CHD7: variants seen among roughly 807,000 people sequenced by gnomAD.
CHD7 encodes the protein ATP-dependent chromatin remodeler CHD7.
Under a neutral mutation model 307.3 loss-of-function variants are expected in CHD7, and 24 were observed. The observed-to-expected ratio is 0.08, with a 90% CI of 0.06 to 0.11. The LOEUF (loss-of-function observed/expected upper bound fraction) is 0.11, where lower values mean the gene tolerates loss of function less well. Ranked by LOEUF, CHD7 falls within the 10% of genes least tolerant of loss-of-function variation. The probability of loss-of-function intolerance (pLI) is 1.00; values close to 1 mark genes in which losing one functional copy is unlikely to be tolerated. For synonymous variants in CHD7, 1,363 were observed against 1,349.9 expected, an observed-to-expected ratio of 1.01 and a Z score of -0.21; for missense variants, 3,106 against 3,727.1, an observed-to-expected ratio of 0.83 and a Z score of 4.34.
chr8:60,681,618 C>T (rs1259341465), intron 1 of CHD7, among the ~76,000 whole-genome samples: 1 of 152,124 alleles, frequency 6.6e-6, no homozygotes, highest in Non-Finnish European at 1.5e-5. Flanking sequence ...ATTTTAGAAG[C>T]TAAATTTTCT....
At chr8:60,685,793 C>G (rs1288080015) in intron 1 of CHD7, among the ~76,000 whole-genome samples, 1 of 152,092 alleles carries the variant, frequency 6.6e-6, no homozygotes, top group East Asian at 1.9e-4. Flanking sequence ...ATGAGCGATG[C>G]TGTTACACCC....
At chr8:60,735,633 A>T (rs2150568649) in intron 1 of CHD7, among the ~76,000 whole-genome samples, 1 of 152,374 alleles carries the variant, frequency 6.6e-6, no homozygotes, top group African/African-American at 2.4e-5. Flanking sequence ...ATAAAATATG[A>T]TATATGGAAA....
intron 1 of CHD7, among the ~76,000 whole-genome samples, chr8:60,733,614 G>A (rs1164447162): frequency 6.6e-6 from 1 of 152,172 alleles, no homozygotes; most frequent in African/African-American, 2.4e-5. Context: ...TTGTGCTTTT[G>A]TGGCATAATT....
intron 2 of CHD7, among the ~76,000 whole-genome samples, chr8:60,761,978 G>A (rs1002719709): frequency 1.1e-4 from 16 of 152,092 alleles, no homozygotes; most frequent in African/African-American, 3.6e-4. Context: ...GGTTGGGCTG[G>A]TCAGGATCTG....
intron 1 of CHD7, among the ~76,000 whole-genome samples, chr8:60,709,890 A>C (rs1199882605): frequency 7.2e-5 from 11 of 152,244 alleles, no homozygotes; most frequent in African/African-American, 2.7e-4. Context: ...TGTGTCTTAT[A>C]GTAATAATTT....
intron 2 of CHD7, among the ~76,000 whole-genome samples, chr8:60,746,143 C>G (rs1282655262): frequency 6.6e-6 from 1 of 152,234 alleles, no homozygotes; most frequent in Non-Finnish European, 1.5e-5. Flanking sequence ...AAGCGATTCT[C>G]CTGCCTCAGC....
intron 15 of CHD7, among the ~76,000 whole-genome samples, chr8:60,831,395 G>A (rs950411188): frequency 2.6e-5 from 4 of 151,998 alleles, no homozygotes; most frequent in African/African-American, 9.7e-5. Flanking sequence ...AACGATACAA[G>A]CAAAGAGAGG....
At chr8:60,705,711 C>A (rs1806991634) in intron 1 of CHD7, among the ~76,000 whole-genome samples, 1 of 152,080 alleles carries the variant, frequency 6.6e-6, no homozygotes, top group Non-Finnish European at 1.5e-5. Context: ...GAAATGCACA[C>A]CACCTGTACT....
At chr8:60,700,432 T>C (rs891511170) in intron 1 of CHD7, among the ~76,000 whole-genome samples, 1 of 152,196 alleles carries the variant, frequency 6.6e-6, no homozygotes, top group Non-Finnish European at 1.5e-5. Context: ...AGATTTCATA[T>C]ATATCTCAGT....
Position 60,830,313 on chromosome 8 carries a change from C to T in CHD7, c.3523-9C>T. 1.2e-6 allele frequency: 2 copies of T among 1,607,636 alleles called. No individual in the cohort carries two copies. The highest frequency in any genetic ancestry group is 1.7e-6 in the Non-Finnish European group (2 of 1,177,580). On this transcript the variant is annotated splice_polypyrimidine_tract_variant and intron_variant, in intron 14 of 37. Transcript: ENST00000423902. Reference sequence around the variant, plus strand: ...ATGACACTAGTATTTACTTAAGGTCCTTTTTTAGGTGCAAAAACTTCAAGC... The same window carrying T: ...ATGACACTAGTATTTACTTAAGGTCTTTTTTTAGGTGCAAAAACTTCAAGC...
intron 4 of CHD7, among the ~76,000 whole-genome samples, chr8:60,799,884 G>A (rs10957159): frequency 0.25 from 37,903 of 151,868 alleles, 8,045 homozygotes; most frequent in African/African-American, 0.58. Flanking sequence ...TGTCCCAGGC[G>A]TCTGACTCCA....
chr8:60,694,116 C>G (rs1329212724), intron 1 of CHD7, among the ~76,000 whole-genome samples: 1 of 152,242 alleles, frequency 6.6e-6, no homozygotes, highest in East Asian at 1.9e-4. Context: ...ATAATGTTTT[C>G]AGATTGACAT....
intron 1 of CHD7, among the ~76,000 whole-genome samples, chr8:60,697,730 G>T (rs1053902810): frequency 6.6e-6 from 1 of 152,186 alleles, no homozygotes; most frequent in African/African-American, 2.4e-5. Context: ...TCAATTTGGT[G>T]TATGGAACAA....
intron 2 of CHD7, among the ~76,000 whole-genome samples, chr8:60,749,036 G>A (rs932648234): frequency 6.0e-5 from 9 of 150,534 alleles, no homozygotes; most frequent in African/African-American, 2.0e-4. Context: ...ATCTCAAGTA[G>A]CATCAATCTT....
chr8:60,767,444 C>T (rs1418724169), intron 2 of CHD7, among the ~76,000 whole-genome samples: 2 of 152,170 alleles, frequency 1.3e-5, no homozygotes, highest in Non-Finnish European at 2.9e-5. Context: ...TTGAGGCAGA[C>T]TTGTTTTAAA....
rs1806225771 is a variant in CHD7, at chr8:60,865,901, G to C, written c.8962G>C (p.Asp2988His). ...GEELDSLDGGDEIENNENDE is the reference protein window; with the variant it reads ...GEELDSLDGGHEIENNENDE ...AGAGCTAGACTCACTTGATGGGGGG[G>C]ATGAAATAGAAAACAATGAAAATGA... Residue 2988 changes from aspartate to histidine, a missense_variant, in exon 38 of 38, where the codon GAT (aspartate) becomes CAT (histidine). This residue lies in a region of CHD7 where 351 missense variants were observed against 366.2 expected (regional missense o/e 0.96). Coordinates refer to ENST00000423902, the MANE Select transcript of CHD7 (RefSeq NM_017780.4). The surrounding 1 kb of genome is among the most constrained non-coding windows in gnomAD (Gnocchi z 4.3). 6.2e-7 allele frequency: 1 copy of C among 1,607,596 alleles called. No individual in the cohort carries two copies. The highest frequency in any genetic ancestry group is 1.1e-5 in the South Asian group (1 of 89,732).
At chr8:60,689,851 G>A (rs1200324466) in intron 1 of CHD7, among the ~76,000 whole-genome samples, 1 of 152,190 alleles carries the variant, frequency 6.6e-6, no homozygotes, top group Non-Finnish European at 1.5e-5. Context: ...AAAGTATTCA[G>A]CTTATTACAG....
chr8:60,863,144 T>A (rs576600602), intron 37 of CHD7: 1 of 155,040 alleles, frequency 6.4e-6, no homozygotes, highest in Non-Finnish European at 1.4e-5. Flanking sequence ...CGGTGTAACA[T>A]TCTGTTGATC....
chr8:60,864,208 C>T (rs1279534968), intron 37 of CHD7: 1 of 152,200 alleles, frequency 6.6e-6, no homozygotes, highest in Non-Finnish European at 1.5e-5. Context: ...AACTCCTGGG[C>T]TCAAGCAGTC....
Sources: allele counts gnomAD v4.1 joint callset (sites outside exome capture counted in the v4.1 genomes callset), GRCh38; gene constraint gnomAD v4.1.1; regional missense constraint gnomAD v4.1.1; non-coding constraint Gnocchi (gnomAD v3.1); transcripts MANE v1.5; gene names NCBI Gene and HGNC (gene_info 2026-07-23, HGNC 2026-07-21).